SLC24A3: variants seen among roughly 807,000 people sequenced by gnomAD.
The protein encoded by SLC24A3 is solute carrier family 24 member 3.
Under a neutral mutation model 75.8 loss-of-function variants are expected in SLC24A3, and 28 were observed. The ratio of observed to expected loss-of-function variants is 0.37; its 90% CI spans 0.27 to 0.51. The LOEUF is 0.51. Ranked by LOEUF, SLC24A3 falls within the 20% of genes least tolerant of loss-of-function variation. SLC24A3 has a pLI of 0.94. For missense variants in SLC24A3, 663 were observed against 847.8 expected, an observed-to-expected ratio of 0.78 and a Z score of 2.71; for synonymous variants, 372 against 334.1, an observed-to-expected ratio of 1.11 and a Z score of -1.24.
At chr20:19,697,038 A>AGAGG (rs1215664916) in intron 14 of SLC24A3, 127 bp downstream of exon 14, 3 of 537,850 alleles carry the variant, frequency 5.6e-6, no homozygotes, top group Non-Finnish European at 1.0e-5. Context: ...AGAGAAGGAA[A>AGAGG]GAGGGAGGGA....
rs11470232 is a variant in SLC24A3, at chr20:19,702,622, C to CAA, written c.1719+3955_1719+3956dup. On this transcript the variant is annotated intron_variant, in intron 15 of 16. Transcript: ENST00000328041. ...AATGCTGCTGTTTCTGTAATAAGTG[C>CAA]AAAAAAAAAAAAAATCATTTTATGC... 1.0e-3 allele frequency among the ~76,000 whole-genome samples: 155 copies of CAA among 149,074 alleles called. 1 individual carries two copies. Among genetic ancestry groups the CAA allele is most frequent in the Non-Finnish European group, 1.8e-3 (119 of 67,124 alleles).
chr20:19,389,906 A>C (rs1412339988), intron 2 of SLC24A3, among the ~76,000 whole-genome samples: 1 of 151,028 alleles, frequency 6.6e-6, no homozygotes, highest in African/African-American at 2.4e-5. Context: ...TCCTTTCTTC[A>C]CTCTTTAAAT....
At chr20:19,250,538 T>C (rs966452145) in intron 1 of SLC24A3, among the ~76,000 whole-genome samples, 3 of 152,200 alleles carry the variant, frequency 2.0e-5, no homozygotes, top group African/African-American at 7.2e-5. Context: ...CTCTGAAGGG[T>C]GTGCCAAAGA....
chr20:19,301,409 A>G (rs139304478), intron 2 of SLC24A3, among the ~76,000 whole-genome samples: 1 of 152,188 alleles, frequency 6.6e-6, no homozygotes, highest in Non-Finnish European at 1.5e-5. Flanking sequence ...TTAAAAAAGC[A>G]TGCAGCCCAG....
At chr20:19,413,000 T>C (rs1986772278) in intron 2 of SLC24A3, among the ~76,000 whole-genome samples, 1 of 152,194 alleles carries the variant, frequency 6.6e-6, no homozygotes, top group South Asian at 2.1e-4. Context: ...GTGGTTGCTA[T>C]CATAATGCGT....
At chr20:19,720,905 C>T (rs113072948) in intron 16 of SLC24A3, 86 bp from the exon 17 acceptor site, 438 of 1,519,278 alleles carry the variant, frequency 2.9e-4, no homozygotes, top group Non-Finnish European at 3.5e-4. Context: ...AGCAGCCCTT[C>T]CCCGGGTCCC....
At chr20:19,331,737 C>A (rs528479352) in intron 2 of SLC24A3, among the ~76,000 whole-genome samples, 1 of 152,306 alleles carries the variant, frequency 6.6e-6, no homozygotes, top group South Asian at 2.1e-4. Flanking sequence ...GCCACACAGA[C>A]AAGCTCCTGA....
chr20:19,265,487 T>C (rs1983138453), intron 1 of SLC24A3, among the ~76,000 whole-genome samples: 1 of 152,142 alleles, frequency 6.6e-6, no homozygotes, highest in South Asian at 2.1e-4. Flanking sequence ...ACTGGGGTTC[T>C]GTTTGGGATT....
chr20:19,337,841 T>C (rs961935400), intron 2 of SLC24A3, among the ~76,000 whole-genome samples: 1 of 152,146 alleles, frequency 6.6e-6, no homozygotes, highest in Non-Finnish European at 1.5e-5. Context: ...TGGCCTCTCA[T>C]GTCTTGTGGT....
At chr20:19,401,615 C>A (rs1255837610) in intron 2 of SLC24A3, among the ~76,000 whole-genome samples, 4 of 152,198 alleles carry the variant, frequency 2.6e-5, no homozygotes, top group Non-Finnish European at 5.9e-5. Flanking sequence ...GAGAGTGGAG[C>A]AGCTGCTGTC....
chr20:19,635,914 G>A (rs186830233), intron 6 of SLC24A3, among the ~76,000 whole-genome samples: 84 of 152,290 alleles, frequency 5.5e-4, no homozygotes, highest in Non-Finnish European at 9.4e-4. Flanking sequence ...GCCGAGATGG[G>A]TGGATCACAA....
chr20:19,577,834 T>C (rs762486401), intron 3 of SLC24A3, among the ~76,000 whole-genome samples: 1 of 152,236 alleles, frequency 6.6e-6, no homozygotes, highest in Non-Finnish European at 1.5e-5. Flanking sequence ...TGAACCACAG[T>C]TTATATAACC....
intron 15 of SLC24A3, among the ~76,000 whole-genome samples, chr20:19,711,004 CAGTCTCACTGCCTCCCAGTATGCACAT>C (rs2032981168): frequency 6.8e-5 from 1 of 14,768 alleles, no homozygotes; most frequent in Non-Finnish European, 1.3e-4. Flanking sequence ...CTTTGCTATG[CAGTCTCACTGCCTCCCAGTATGCACAT>C]GCAGTCTCAC....
intron 4 of SLC24A3, 139 bp downstream of exon 4, chr20:19,580,213 T>C: frequency 1.5e-6 from 1 of 648,374 alleles, no homozygotes; most frequent in African/African-American, 1.8e-5. Flanking sequence ...ATCACCATGT[T>C]TGAGAGCAAT....
At chr20:19,250,211 G>A (rs557203141) in intron 1 of SLC24A3, among the ~76,000 whole-genome samples, 5 of 152,260 alleles carry the variant, frequency 3.3e-5, no homozygotes, top group South Asian at 2.1e-4. Flanking sequence ...CTAACTTTCC[G>A]ACATATTTTC....
At chr20:19,274,242 G>A (rs1983416447) in intron 1 of SLC24A3, among the ~76,000 whole-genome samples, 1 of 151,832 alleles carries the variant, frequency 6.6e-6, no homozygotes, top group South Asian at 2.1e-4. Context: ...CAGCCCAAGG[G>A]GGTGTTCTCA....
At chr20:19,367,444 A>G (rs2094829312) in intron 2 of SLC24A3, among the ~76,000 whole-genome samples, 1 of 152,206 alleles carries the variant, frequency 6.6e-6, no homozygotes, top group African/African-American at 2.4e-5. Flanking sequence ...CTTGGGAAAA[A>G]ACAAAGCAGA....
At chr20:19,613,170 C>A (rs942945506) in intron 6 of SLC24A3, among the ~76,000 whole-genome samples, 2 of 152,212 alleles carry the variant, frequency 1.3e-5, no homozygotes, top group East Asian at 1.9e-4. Flanking sequence ...AGTTTTAATT[C>A]TCCATCCTAT....
At chr20:19,700,711 C>T (rs768396289) in intron 15 of SLC24A3, among the ~76,000 whole-genome samples, 1 of 152,200 alleles carries the variant, frequency 6.6e-6, no homozygotes, top group Non-Finnish European at 1.5e-5. Context: ...GCTTTTTATA[C>T]TTCCTGTTAT....
Sources: gnomAD v4.1 joint callset for allele counts (sites outside exome capture counted in the v4.1 genomes callset) on GRCh38, gnomAD v4.1.1 for gene constraint, MANE v1.5 for transcripts, NCBI Gene and HGNC (gene_info 2026-07-23, HGNC 2026-07-21) for gene names.